HERC4: variants seen among roughly 807,000 people sequenced by gnomAD.
The protein encoded by HERC4 is probable E3 ubiquitin-protein ligase HERC4.
Under a neutral mutation model 124.3 loss-of-function variants are expected in HERC4, and 28 were observed. The ratio of observed to expected loss-of-function variants is 0.23; its 90% CI spans 0.17 to 0.31. The LOEUF (loss-of-function observed/expected upper bound fraction) is 0.31. HERC4 is among the 10% of genes least tolerant of loss of function. HERC4 has a pLI of 1.00. For missense variants in HERC4, 713 were observed against 1,229.3 expected (o/e 0.58, Z 6.28); for synonymous variants, 407 against 421.5 (o/e 0.97, Z 0.42).
intron 9 of HERC4, among the ~76,000 whole-genome samples, chr10:68,000,048 G>C (rs1454759412): frequency 6.6e-6 from 1 of 152,050 alleles, no homozygotes; most frequent in Non-Finnish European, 1.5e-5. Flanking sequence ...TGTAGAGACA[G>C]GGTCTTGCTA....
chr10:68,009,653 A>G (rs930035281), intron 9 of HERC4, among the ~76,000 whole-genome samples: 27 of 152,290 alleles, frequency 1.8e-4, no homozygotes, highest in African/African-American at 5.1e-4. Flanking sequence ...AAAATAAGAC[A>G]GCAACAAAGT....
chr10:67,970,853 G>A (rs2035192745), intron 15 of HERC4, among the ~76,000 whole-genome samples: 1 of 151,084 alleles, frequency 6.6e-6, no homozygotes, highest in Non-Finnish European at 1.5e-5. Flanking sequence ...TCTGCTTTAA[G>A]AATCTAGAAA....
intron 7 of HERC4, among the ~76,000 whole-genome samples, chr10:68,028,708 T>G (rs1362973340): frequency 1.3e-5 from 2 of 152,242 alleles, no homozygotes; most frequent in African/African-American, 4.8e-5. Context: ...GAGTTCATAC[T>G]AACACTTGCG....
At chr10:67,995,256 C>CT (rs1267585973) in intron 9 of HERC4, 3 of 455,110 alleles carry the variant, frequency 6.6e-6, no homozygotes, top group African/African-American at 4.0e-5. Context: ...TCACTGAGTT[C>CT]TTTTTTGTGG....
chr10:68,017,338 C>CTTTAT (rs770001587), intron 8 of HERC4, among the ~76,000 whole-genome samples: 1 of 152,168 alleles, frequency 6.6e-6, no homozygotes, highest in South Asian at 2.1e-4. Flanking sequence ...AATCTCTAGC[C>CTTTAT]TAAATAAAAG....
At chr10:67,934,865 G>C (rs139319705) in intron 22 of HERC4, among the ~76,000 whole-genome samples, 8 of 146,168 alleles carry the variant, frequency 5.5e-5, no homozygotes, top group South Asian at 2.1e-4. Context: ...TCCACTTCTC[G>C]TGCTTTCAAT....
At chr10:68,033,359 T>C (rs1348439590) in intron 6 of HERC4, among the ~76,000 whole-genome samples, 1 of 152,230 alleles carries the variant, frequency 6.6e-6, no homozygotes, top group African/African-American at 2.4e-5. Context: ...TTACTAGTTG[T>C]TACTAGATTA....
chr10:68,026,493 G>C (rs2038908215), intron 7 of HERC4, among the ~76,000 whole-genome samples: 1 of 152,048 alleles, frequency 6.6e-6, no homozygotes, highest in Admixed American at 6.6e-5. Context: ...GATCACTTGA[G>C]CTCAAGAGTT....
rs182859292 is a variant in HERC4 at position 67,930,604 on chromosome 10, G to A, written c.2838+1993C>T. 2.3e-3 allele frequency among the ~76,000 whole-genome samples: 352 copies of A among 152,220 alleles called. 4 individuals are homozygous for A. Among genetic ancestry groups the A allele is most frequent in the Middle Eastern group, 3.4e-3 (1 of 294 alleles). On this transcript the variant is annotated intron_variant, in intron 23 of 24. Transcript: ENST00000373700. ...CATAAAAAGTAGAGTGGTAAGTGCT[G>A]CTCTGTTTTTTTATGTTAGTCATCT...
chr10:68,046,717 A>C (rs955631395), intron 3 of HERC4, among the ~76,000 whole-genome samples: 8 of 152,250 alleles, frequency 5.3e-5, no homozygotes, highest in African/African-American at 1.9e-4. Flanking sequence ...CTATAATCCC[A>C]GCACTTGCAG....
intron 7 of HERC4, among the ~76,000 whole-genome samples, chr10:68,026,778 G>A (rs2038923309): frequency 6.6e-6 from 1 of 152,046 alleles, no homozygotes. Context: ...GGGAGGCAGA[G>A]GTTGCAGTGA....
chr10:67,960,391 A>AT (rs771422643), intron 16 of HERC4, among the ~76,000 whole-genome samples: 144 of 148,514 alleles, frequency 9.7e-4, no homozygotes, highest in Non-Finnish European at 1.7e-3. Context: ...AAAGCCTAAA[A>AT]TTTTTTTTTT....
chr10:68,006,425 G>A (rs537747609), intron 9 of HERC4, among the ~76,000 whole-genome samples: 1 of 150,158 alleles, frequency 6.7e-6, no homozygotes, highest in Admixed American at 6.6e-5. Context: ...GGGCTGGAGT[G>A]CAATGGTGCG....
chr10:68,031,060 A>AT (rs1394946984), intron 7 of HERC4, among the ~76,000 whole-genome samples: 2 of 152,158 alleles, frequency 1.3e-5, no homozygotes, highest in Non-Finnish European at 2.9e-5. Context: ...AAAATAAAAT[A>AT]TTTTACTTTG....
intron 15 of HERC4, among the ~76,000 whole-genome samples, chr10:67,976,376 ACT>A (rs2035588113): frequency 6.6e-6 from 1 of 152,068 alleles, no homozygotes; most frequent in Non-Finnish European, 1.5e-5. Context: ...AAATTTAGTG[ACT>A]CTTGCAGAAT....
At chr10:68,069,206 G>A (rs1351920795) in intron 3 of HERC4, 2 of 961,362 alleles carry the variant, frequency 2.1e-6, no homozygotes, top group Non-Finnish European at 2.5e-6. Context: ...AACTGAATTT[G>A]AAAGTATAAA....
At position 67,990,134 on chromosome 10, in the gene HERC4, C is replaced by T. The variant is rs558931066; in HGVS notation, c.1633+77G>A. 2.7e-5 allele frequency: 33 copies of T among 1,245,062 alleles called. No individual in the cohort carries two copies. In the Admixed American group the frequency reaches 4.1e-4, roughly 15 times the overall value. 77.1% of individuals were successfully genotyped at this position (1,245,062 alleles called of 1,614,324 possible). A position where few individuals can be genotyped will look rare whatever the true frequency, so the allele number is the denominator to read the frequency against. On this transcript the variant is annotated intron_variant, in intron 14 of 24. Transcript: ENST00000373700. ...TCAAATAAGCAGGGCAGCAGAACTG[C>T]AAATGGCAAAAGAACTTATGAAGCA...
At chr10:67,947,817 T>A (rs2033484962) in intron 19 of HERC4, among the ~76,000 whole-genome samples, 1 of 148,256 alleles carries the variant, frequency 6.7e-6, no homozygotes, top group Non-Finnish European at 1.5e-5. Context: ...TTCACAAACA[T>A]ATGGAAATTA....
intron 23 of HERC4, among the ~76,000 whole-genome samples, chr10:67,927,430 A>ATATATTT (rs1564911511): frequency 1.1e-4 from 4 of 37,908 alleles, no homozygotes; most frequent in South Asian, 1.0e-3. Flanking sequence ...ATATATATAT[A>ATATATTT]TTTTTTTTTT....
Sources: gnomAD v4.1 joint callset for allele counts (sites outside exome capture counted in the v4.1 genomes callset) on GRCh38, gnomAD v4.1.1 for gene constraint, MANE v1.5 for transcripts, NCBI Gene and HGNC (gene_info 2026-07-23, HGNC 2026-07-21) for gene names.